SEPTIN11: variants seen among roughly 807,000 people sequenced by gnomAD.
SEPTIN11 encodes the protein septin-11.
A neutral mutation model predicts 51.4 loss-of-function variants in SEPTIN11; 25 were observed. The observed-to-expected ratio is 0.49, with a 90% CI of 0.35 to 0.68. The LOEUF is 0.68. Among genes scored for constraint, SEPTIN11 ranks in the 30% least tolerant of loss-of-function variants. The pLI is 0.00. For synonymous variants in SEPTIN11, 174 were observed against 184.1 expected (o/e 0.95, Z 0.44); for missense variants, 381 against 520.8 (o/e 0.73, Z 2.61).
chr4:76,995,031 G>A (rs188196342), intron 1 of SEPTIN11, among the ~76,000 whole-genome samples: 16 of 148,072 alleles, frequency 1.1e-4, no homozygotes, highest in South Asian at 2.2e-4. Flanking sequence ...AAGCTGCAGT[G>A]AGCTATGATC....
At chr4:77,032,169 GA>G (rs1726697271) in intron 9 of SEPTIN11, 1 of 151,716 alleles carries the variant, frequency 6.6e-6, no homozygotes, top group Admixed American at 6.6e-5. Context: ...CATACTGAGA[GA>G]GTTTTAAATC....
chr4:76,951,940 C>T (rs1721367864), intron 1 of SEPTIN11, among the ~76,000 whole-genome samples: 1 of 152,172 alleles, frequency 6.6e-6, no homozygotes, highest in South Asian at 2.1e-4. Context: ...TGACTTCTTT[C>T]TGCGCACTCT....
intron 1 of SEPTIN11, among the ~76,000 whole-genome samples, chr4:76,986,166 T>A (rs1723015833): frequency 6.6e-6 from 1 of 151,984 alleles, no homozygotes; most frequent in African/African-American, 2.4e-5. Context: ...TGCAAGAGGG[T>A]GGAGGTCTAT....
intron 1 of SEPTIN11, chr4:76,974,731 T>C (rs1344835928): frequency 2.2e-6 from 1 of 456,550 alleles, no homozygotes; most frequent in Non-Finnish European, 4.4e-6. Context: ...GTGAAAAGAA[T>C]CTCACTGTTG....
At chr4:77,011,582 C>T (rs570290112) in intron 3 of SEPTIN11, among the ~76,000 whole-genome samples, 153 bp from the exon 4 acceptor site, 22 of 152,074 alleles carry the variant, frequency 1.4e-4, no homozygotes, top group South Asian at 6.2e-4. Context: ...GAGCCTGGAG[C>T]GCTGTTCAGG....
In SEPTIN11 at chr4:76,956,813, G is replaced by A. The variant is rs190920385; in HGVS notation, c.27+6883G>A. ...AGTAAATCCCCCTCTAGGGAGGGCA[G>A]TGAATATTTTGAATAACAGTTGGCT... On this transcript the variant is annotated intron_variant, in intron 1 of 9. Transcript: ENST00000264893. Among the ~76,000 whole-genome samples, 147 of 152,320 alleles carry A rather than the reference G, an allele frequency of 9.7e-4. 1 individual carries two copies. The highest frequency in any genetic ancestry group is 3.4e-3 in the African/African-American group (141 of 41,572).
intron 5 of SEPTIN11, among the ~76,000 whole-genome samples, chr4:77,017,454 C>T (rs766174280): frequency 3.3e-5 from 5 of 152,126 alleles, no homozygotes; most frequent in African/African-American, 4.8e-5. Context: ...GTCATTACAC[C>T]AAAATATTGA....
intron 8 of SEPTIN11, 123 bp downstream of exon 8, chr4:77,028,884 C>A: frequency 9.7e-7 from 1 of 1,034,920 alleles, no homozygotes; most frequent in South Asian, 2.2e-5. Context: ...CACGAGTGAC[C>A]TGCCAACCTG....
chr4:76,988,870 C>T (rs1044570961), intron 1 of SEPTIN11, among the ~76,000 whole-genome samples: 1 of 152,214 alleles, frequency 6.6e-6, no homozygotes, highest in Admixed American at 6.5e-5. Context: ...AGGTTATGCA[C>T]ACAGATTTCC....
chr4:76,975,864 G>A (rs770804951), intron 1 of SEPTIN11, among the ~76,000 whole-genome samples: 12 of 152,204 alleles, frequency 7.9e-5, no homozygotes, highest in Non-Finnish European at 1.3e-4. Flanking sequence ...ACTTGGAGAA[G>A]GAAGTAAGCA....
chr4:76,975,136 GAAAA>G (rs200578172), intron 1 of SEPTIN11, among the ~76,000 whole-genome samples: 1 of 112,778 alleles, frequency 8.9e-6, no homozygotes, highest in Non-Finnish European at 2.0e-5. Flanking sequence ...GAAGAAAAAA[GAAAA>G]AAAAAAAAAA....
intron 2 of SEPTIN11, among the ~76,000 whole-genome samples, chr4:77,001,087 T>C (rs1437730889): frequency 6.6e-6 from 1 of 152,180 alleles, no homozygotes; most frequent in Non-Finnish European, 1.5e-5. Context: ...TTAGAGCTCG[T>C]AGGTTAAATA....
intron 1 of SEPTIN11, 59 bp from the exon 2 acceptor site, chr4:76,996,366 T>C: frequency 1.8e-6 from 2 of 1,126,930 alleles, no homozygotes; most frequent in South Asian, 2.5e-5. Flanking sequence ...GTTTGTGATA[T>C]GTGATATCCA....
chr4:77,016,844 A>G (rs558397823), intron 5 of SEPTIN11, among the ~76,000 whole-genome samples: 1 of 151,668 alleles, frequency 6.6e-6, no homozygotes, highest in South Asian at 2.1e-4. Context: ...CTATTTATAT[A>G]GTGTTTACAT....
At chr4:76,974,831 G>A in intron 1 of SEPTIN11, 1 of 456,664 alleles carries the variant, frequency 2.2e-6, no homozygotes, top group Non-Finnish European at 4.4e-6. Flanking sequence ...TGTAAGAAAT[G>A]TGAGCGCTTG....
At chr4:77,023,324 TATTA>T (rs1725874103) in intron 7 of SEPTIN11, among the ~76,000 whole-genome samples, 1 of 147,286 alleles carries the variant, frequency 6.8e-6, no homozygotes. Context: ...AAATAATATA[TATTA>T]ATTATATCAT....
rs932516953 is a variant in SEPTIN11, at chr4:77,036,667, T to G, written c.*2155T>G. On this transcript the variant is annotated 3_prime_UTR_variant, in exon 10 of 10. Coordinates refer to ENST00000264893, the MANE Select transcript of SEPTIN11 (RefSeq NM_018243.4). Reference sequence around the variant, plus strand: ...AATAGAAGCTTTTTTTTTTAAAAAATGTATTGCTTCTGAACTTTTTTCTGC... The same window carrying G: ...AATAGAAGCTTTTTTTTTTAAAAAAGGTATTGCTTCTGAACTTTTTTCTGC... 6.7e-7 allele frequency: 1 copy of G among 1,503,040 alleles called. No individual in the cohort carries two copies. Among genetic ancestry groups the G allele is most frequent in the Non-Finnish European group, 8.8e-7 (1 of 1,138,140 alleles). 93.1% of individuals were successfully genotyped at this position (1,503,040 alleles called of 1,614,324 possible).
rs114464557 is a variant in SEPTIN11 at position 77,029,950 on chromosome 4, T to G, written c.1087-833T>G. On this transcript the variant is annotated intron_variant, in intron 8 of 9. Transcript: ENST00000264893. ...GAACCACTTTTACCACTAGGGTGAG[T>G]TTTTTGTTGGGATCATAATTATTTT... is the stretch of plus-strand genomic sequence containing the variant. Among the ~76,000 whole-genome samples the G allele has an allele frequency of 7.3e-3, 1,104 of 151,848 alleles. 14 individuals carry two copies. The highest frequency in any genetic ancestry group is 0.025 in the African/African-American group (1,034 of 41,362).
rs1560740857 is a variant in SEPTIN11, at chr4:77,020,635, G to T, written c.918G>T (p.Gly306=). The T allele has an allele frequency of 6.2e-7, 1 of 1,613,942 alleles. No homozygotes were observed. The highest frequency in any genetic ancestry group is 8.5e-7 in the Non-Finnish European group (1 of 1,179,998). Residue 306 remains glycine (G), a synonymous_variant, in exon 7 of 10, where the codon GGG becomes GGT. Coordinates refer to ENST00000264893, the MANE Select transcript of SEPTIN11 (RefSeq NM_018243.4). ...GACGCTGTAAGCTTGAAGAGATGGG[G>T]TTCAAGGACACTGACCCTGACAGCA... is the stretch of plus-strand genomic sequence containing the variant. ...LYRRCKLEEM[G]FKDTDPDSKP... is the part of the protein sequence containing the mutation.
Sources: allele counts gnomAD v4.1 joint callset (sites outside exome capture counted in the v4.1 genomes callset), GRCh38; gene constraint gnomAD v4.1.1; transcripts MANE v1.5; gene names NCBI Gene and HGNC (gene_info 2026-07-23, HGNC 2026-07-21).